Variants in DCLK2 observed in about 807,000 individuals in gnomAD.
The protein encoded by DCLK2 is doublecortin like kinase 2, also known as serine/threonine-protein kinase DCLK2.
Under a neutral mutation model 78.4 loss-of-function variants are expected in DCLK2, and 31 were observed. That is an observed-to-expected ratio of 0.40 (90% confidence interval 0.30 to 0.53). DCLK2 has a LOEUF of 0.53. Ranked by LOEUF, DCLK2 falls within the 20% of genes least tolerant of loss-of-function variation. The pLI, the probability that DCLK2 is intolerant of heterozygous loss-of-function variation, is 0.61. For synonymous variants in DCLK2, 407 were observed against 374.9 expected (o/e 1.09, Z -0.99); for missense variants, 872 against 973.7 (o/e 0.90, Z 1.39).
rs1744568032 is a variant in DCLK2 at position 150,256,335 on chromosome 4, C to T, written c.*88C>T. The T allele has an allele frequency of 7.0e-7, 1 of 1,428,806 alleles. No individual in the cohort carries two copies. Among genetic ancestry groups the T allele is most frequent in the Non-Finnish European group, 9.2e-7 (1 of 1,092,638 alleles). The allele number at this position is 1,428,806 out of a possible 1,614,324, so 88.5% of individuals were successfully genotyped here. ...CGCCGGCCTCCCTGCTGCAGGCCTC[C>T]CTCTCTTCACCGCCTGCGCCTGAGT... On this transcript the variant is annotated 3_prime_UTR_variant, in exon 16 of 16. Transcript: ENST00000296550.
intron 5 of DCLK2, among the ~76,000 whole-genome samples, chr4:150,217,486 C>G (rs184740770): frequency 2.0e-5 from 3 of 152,202 alleles, no homozygotes; most frequent in African/African-American, 7.2e-5. Flanking sequence ...ATGGCTCCCT[C>G]TCACGGCTCT....
chr4:150,126,685 T>C (rs928262236), intron 2 of DCLK2, among the ~76,000 whole-genome samples: 1 of 152,242 alleles, frequency 6.6e-6, no homozygotes, highest in Non-Finnish European at 1.5e-5. Flanking sequence ...ACAGAGATTA[T>C]ATATGCCCTC....
intron 5 of DCLK2, among the ~76,000 whole-genome samples, chr4:150,216,507 C>T (rs535142708): frequency 1.7e-3 from 256 of 152,124 alleles, no homozygotes; most frequent in African/African-American, 6.0e-3. Context: ...GGCGTGGTGG[C>T]GGGTGCTTGT....
At chr4:150,158,635 C>T (rs1735489646) in intron 2 of DCLK2, among the ~76,000 whole-genome samples, 1 of 152,086 alleles carries the variant, frequency 6.6e-6, no homozygotes, top group African/African-American at 2.4e-5. Flanking sequence ...AATATGTAAA[C>T]TAAAATGTTG....
intron 2 of DCLK2, among the ~76,000 whole-genome samples, chr4:150,142,577 A>G (rs1386134944): frequency 6.6e-6 from 1 of 152,194 alleles, no homozygotes; most frequent in Non-Finnish European, 1.5e-5. Context: ...TGTTGGCGTC[A>G]GAATTGACTT....
At chr4:150,247,734 C>T (rs138997517) in intron 13 of DCLK2, 35 bp downstream of exon 13, 29 of 1,561,124 alleles carry the variant, frequency 1.9e-5, no homozygotes, top group Middle Eastern at 3.7e-4. Context: ...GGTTGTATTA[C>T]GTTGTGGGGT....
At chr4:150,179,237 C>G (rs1227788543) in intron 2 of DCLK2, among the ~76,000 whole-genome samples, 4 of 152,064 alleles carry the variant, frequency 2.6e-5, no homozygotes, top group Non-Finnish European at 4.4e-5. Flanking sequence ...ACCGTGTTAG[C>G]CAGGATGGTC....
intron 1 of DCLK2, among the ~76,000 whole-genome samples, chr4:150,088,408 GT>G (rs1560760512): frequency 6.7e-6 from 1 of 150,018 alleles, no homozygotes; most frequent in Non-Finnish European, 1.5e-5. Flanking sequence ...TTTTTTTTTC[GT>G]ATATATATCT....
At chr4:150,255,128 G>T (rs1349811659) in intron 15 of DCLK2, among the ~76,000 whole-genome samples, 1 of 152,106 alleles carries the variant, frequency 6.6e-6, no homozygotes, top group Non-Finnish European at 1.5e-5. Flanking sequence ...TTTTTTTGTT[G>T]TTGTTAAAGT....
chr4:150,223,809 C>T (rs1182092102), intron 7 of DCLK2, among the ~76,000 whole-genome samples: 1 of 151,970 alleles, frequency 6.6e-6, no homozygotes, highest in Non-Finnish European at 1.5e-5. Flanking sequence ...CGAATGATCT[C>T]TCTAGTGCCA....
chr4:150,210,310 G>A (rs1740193505), intron 5 of DCLK2, among the ~76,000 whole-genome samples: 4 of 152,108 alleles, frequency 2.6e-5, no homozygotes, highest in Non-Finnish European at 1.5e-5. Context: ...CCATTTTCAC[G>A]TGAAGGCAGT....
chr4:150,093,594 C>G (rs1308723758), intron 1 of DCLK2, among the ~76,000 whole-genome samples: 2 of 152,184 alleles, frequency 1.3e-5, no homozygotes, highest in African/African-American at 4.8e-5. Flanking sequence ...GTTGGCCAGG[C>G]TAGTCTCGAA....
chr4:150,174,826 G>A (rs549137240), intron 2 of DCLK2, among the ~76,000 whole-genome samples: 2 of 149,010 alleles, frequency 1.3e-5, no homozygotes, highest in East Asian at 2.0e-4. Flanking sequence ...GTGAAACCCT[G>A]TATCCACTGA....
intron 3 of DCLK2, among the ~76,000 whole-genome samples, chr4:150,195,519 C>A (rs1738974311): frequency 9.2e-6 from 1 of 108,286 alleles, no homozygotes; most frequent in Non-Finnish European, 1.8e-5. Context: ...CTGTACTTTA[C>A]ATCTTTCTTA....
In DCLK2 at chr4:150,239,387, C is replaced by T. The variant is rs72951555; in HGVS notation, c.1567-355C>T. Among the ~76,000 whole-genome samples, 864 of 152,168 alleles carry T rather than the reference C, an allele frequency of 5.7e-3. 5 individuals are homozygous for T. The highest frequency in any genetic ancestry group is 0.019 in the African/African-American group (808 of 41,510). On this transcript the variant is annotated intron_variant, in intron 10 of 15. Transcript: ENST00000296550. Reference sequence around the variant, plus strand: ...CTGAGGTGGGCAGATCTCACGATCCCAGGAGTTCAAGACCAGCTTGGGCAG... The same window carrying T: ...CTGAGGTGGGCAGATCTCACGATCCTAGGAGTTCAAGACCAGCTTGGGCAG...
At chr4:150,173,396 T>C (rs1390062582) in intron 2 of DCLK2, among the ~76,000 whole-genome samples, 1 of 152,194 alleles carries the variant, frequency 6.6e-6, no homozygotes, top group Non-Finnish European at 1.5e-5. Flanking sequence ...GGTGTCTCGA[T>C]GTCTGTGAAG....
intron 15 of DCLK2, chr4:150,254,003 G>A (rs545698361): frequency 1.4e-6 from 1 of 720,620 alleles, no homozygotes; most frequent in African/African-American, 1.9e-5. Flanking sequence ...TTGGTTTCAG[G>A]CAGGGCTGAG....
At chr4:150,189,265 A>G (rs1738209892) in intron 2 of DCLK2, among the ~76,000 whole-genome samples, 1 of 152,194 alleles carries the variant, frequency 6.6e-6, no homozygotes, top group East Asian at 1.9e-4. Flanking sequence ...AATCAGTTCA[A>G]TTCCATTTAA....
intron 1 of DCLK2, among the ~76,000 whole-genome samples, chr4:150,098,841 G>A (rs982335304): frequency 2.0e-5 from 3 of 151,462 alleles, no homozygotes; most frequent in East Asian, 1.9e-4. Context: ...GATTACAGGC[G>A]CCCGCCACCA....
Sources: gnomAD v4.1 joint callset for allele counts (sites outside exome capture counted in the v4.1 genomes callset) on GRCh38, gnomAD v4.1.1 for gene constraint, MANE v1.5 for transcripts, NCBI Gene and HGNC (gene_info 2026-07-23, HGNC 2026-07-21) for gene names.